Variants in USP53 observed in about 807,000 individuals in gnomAD.
The protein encoded by USP53 is ubiquitin specific peptidase 53, also known as ubiquitin carboxyl-terminal hydrolase 53.
USP53 carries 71 observed loss-of-function variants against 94.9 expected under a neutral mutation model. That is an observed-to-expected ratio of 0.75 (90% CI 0.62 to 0.91). The LOEUF (loss-of-function observed/expected upper bound fraction) is 0.91. Ranked by LOEUF, USP53 falls within the 40% of genes least tolerant of loss-of-function variation. USP53 has a pLI of 0.00. For missense variants in USP53, 1,173 were observed against 1,281.0 expected, an observed-to-expected ratio of 0.92 and a Z score of 1.29; for synonymous variants, 375 against 422.7, an observed-to-expected ratio of 0.89 and a Z score of 1.39.
intron 3 of USP53, among the ~76,000 whole-genome samples, chr4:119,223,003 G>T (rs1315867611): frequency 6.6e-6 from 1 of 152,036 alleles, no homozygotes; most frequent in East Asian, 1.9e-4. Flanking sequence ...TATACATACA[G>T]TTACTTTGGG....
intron 17 of USP53, 73 bp downstream of exon 17, chr4:119,273,781 A>T: frequency 8.0e-7 from 1 of 1,254,612 alleles, no homozygotes; most frequent in Non-Finnish European, 1.1e-6. Context: ...GCTATTATGT[A>T]TCTGAGAGAA....
At chr4:119,250,317 C>T (rs189598701) in intron 7 of USP53, among the ~76,000 whole-genome samples, 87 of 152,226 alleles carry the variant, frequency 5.7e-4, no homozygotes, top group African/African-American at 2.0e-3. Flanking sequence ...ATGACCAAAC[C>T]ACCCAATCCA....
At chr4:119,274,117 C>T (rs1267585410) in intron 17 of USP53, among the ~76,000 whole-genome samples, 2 of 131,624 alleles carry the variant, frequency 1.5e-5, no homozygotes, top group Admixed American at 1.6e-4. Context: ...TTTTATTATA[C>T]TTTAAGTTTT....
intron 3 of USP53, among the ~76,000 whole-genome samples, chr4:119,222,787 A>C (rs920827717): frequency 3.3e-5 from 5 of 151,684 alleles, no homozygotes; most frequent in African/African-American, 1.2e-4. Flanking sequence ...CATCTCTTTG[A>C]TTTTCTTTCT....
At chr4:119,288,812 C>T (rs905942382) in intron 17 of USP53, among the ~76,000 whole-genome samples, 15 of 151,926 alleles carry the variant, frequency 9.9e-5, no homozygotes, top group Admixed American at 5.9e-4. Context: ...GTGGCGCATG[C>T]CTGAAATCCC....
chr4:119,245,613 C>T (rs1046034527), intron 6 of USP53, among the ~76,000 whole-genome samples, 184 bp downstream of exon 6: 4 of 152,136 alleles, frequency 2.6e-5, no homozygotes, highest in Admixed American at 1.3e-4. Flanking sequence ...TATATAAGGA[C>T]AGTTAAAAAT....
chr4:119,268,746 T>C (rs971534535), intron 14 of USP53, among the ~76,000 whole-genome samples: 7 of 152,214 alleles, frequency 4.6e-5, no homozygotes, highest in African/African-American at 9.7e-5. Context: ...AGTTAGTAAT[T>C]TGGCATAAAT....
chr4:119,225,679 G>T (rs145351320), intron 3 of USP53, among the ~76,000 whole-genome samples: 5,598 of 151,870 alleles, frequency 0.037, 124 homozygotes, highest in South Asian at 0.074. Context: ...CCGGGAGGTG[G>T]AGTGAGCTGA....
intron 17 of USP53, among the ~76,000 whole-genome samples, chr4:119,289,871 T>G (rs1206672793): frequency 1.3e-5 from 2 of 152,228 alleles, no homozygotes; most frequent in Admixed American, 1.3e-4. Flanking sequence ...TAGTTCCCTT[T>G]TCTTCATCTC....
rs1423572207 is a variant in USP53, at chr4:119,293,110, G to A, written c.3121G>A (p.Val1041Ile). ...AGTTTCATTAACTACCTATTTTTCA[G>A]TTGATAGCTGCATGACGGATACATA... ...ETVSLTTYFS[V>I]DSCMTDTYRL... The change falls in exon 19 of 19, where the codon GTT (valine) becomes ATT (isoleucine). Residue 1041 changes from valine to isoleucine, a missense_variant. By Grantham distance (29) the Val-to-Ile change is conservative. Transcript: ENST00000692078. 3.1e-6 allele frequency: 5 copies of A among 1,613,770 alleles called. No individual in the cohort carries two copies. The African/African-American group carries it at 4.0e-5, about 13-fold the overall frequency.
Position 119,232,792 on chromosome 4 carries a change from C to T in USP53, c.-664-2498C>T, listed in dbSNP as rs577827760. ...CATGTCACATTTGTATGAGGTTTATCATGTTTTGATATTAAGGGTATGTTA... is the reference window on the plus strand; with the variant it reads ...CATGTCACATTTGTATGAGGTTTATTATGTTTTGATATTAAGGGTATGTTA... On this transcript the variant is annotated intron_variant, in intron 3 of 18. Transcript: ENST00000692078. Among the ~76,000 whole-genome samples the T allele has an allele frequency of 1.4e-4, 22 of 152,118 alleles. No homozygotes were observed. The East Asian group carries it at 3.7e-3, about 25-fold the overall frequency.
At position 119,239,641 on chromosome 4, in the gene USP53, A is replaced by G. The variant is rs949741918; in HGVS notation, c.-119A>G. The G allele has an allele frequency of 3.3e-6, 4 of 1,198,566 alleles. No homozygotes were observed. Among genetic ancestry groups the G allele is most frequent in the Admixed American group, 2.7e-5 (1 of 36,626 alleles). 74.2% of individuals were successfully genotyped at this position (1,198,566 alleles called of 1,614,324 possible). ...GAAAGATATGGACTTGGAAACTTAC[A>G]TTATTAAAATAGACTGCAGTGGATT... is the stretch of plus-strand genomic sequence containing the variant. On this transcript the variant is annotated 5_prime_UTR_variant, in exon 5 of 19. Transcript: ENST00000692078.
intron 17 of USP53, among the ~76,000 whole-genome samples, chr4:119,286,060 A>G (rs942430339): frequency 2.0e-5 from 3 of 151,860 alleles, no homozygotes; most frequent in Admixed American, 2.0e-4. Flanking sequence ...ACTACATATT[A>G]AAGTATCTCT....
chr4:119,263,241 T>G (rs1750717335), intron 12 of USP53, among the ~76,000 whole-genome samples: 1 of 152,194 alleles, frequency 6.6e-6, no homozygotes. Flanking sequence ...CTCAAGACAT[T>G]GAACAACATG....
chr4:119,284,175 T>G (rs1477789640), intron 17 of USP53, among the ~76,000 whole-genome samples: 1 of 151,678 alleles, frequency 6.6e-6, no homozygotes, highest in Non-Finnish European at 1.5e-5. Flanking sequence ...TTAGCATTTA[T>G]TAGTGGTATA....
intron 3 of USP53, among the ~76,000 whole-genome samples, chr4:119,227,050 T>A (rs1170589477): frequency 6.6e-6 from 1 of 152,070 alleles, no homozygotes; most frequent in Non-Finnish European, 1.5e-5. Context: ...CAAGGTGCTC[T>A]CAAACTCCTG....
At chr4:119,247,982 T>A (rs564123490) in intron 6 of USP53, among the ~76,000 whole-genome samples, 9 of 151,556 alleles carry the variant, frequency 5.9e-5, no homozygotes, top group South Asian at 4.2e-4. Flanking sequence ...AAAAAAATAT[T>A]TTTTTTTTGA....
chr4:119,248,730 T>C lies in USP53; in HGVS notation c.238-18T>C. Reference sequence around the variant, plus strand: ...TAAAGCTGGCATTAAACTTACTGATTTTCTTGTCGATTCCCAGACGATATT... The same window carrying C: ...TAAAGCTGGCATTAAACTTACTGATCTTCTTGTCGATTCCCAGACGATATT... On this transcript the variant is annotated intron_variant, in intron 6 of 18. Transcript: ENST00000692078. The C allele has an allele frequency of 6.2e-7, 1 of 1,606,066 alleles. No homozygotes were observed. The highest frequency in any genetic ancestry group is 8.5e-7 in the Non-Finnish European group (1 of 1,176,374).
intron 17 of USP53, among the ~76,000 whole-genome samples, chr4:119,290,689 G>C (rs1304812486): frequency 6.6e-6 from 1 of 152,146 alleles, no homozygotes; most frequent in Non-Finnish European, 1.5e-5. Context: ...ATATTCCCAT[G>C]AGGTAGGTAA....
Sources: allele counts gnomAD v4.1 joint callset (sites outside exome capture counted in the v4.1 genomes callset), GRCh38; gene constraint gnomAD v4.1.1; transcripts MANE v1.5; gene names NCBI Gene and HGNC (gene_info 2026-07-23, HGNC 2026-07-21).